The following PPIP5K1 variants were observed in gnomAD, a reference collection of about 807,000 sequenced individuals.
PPIP5K1 encodes the protein inositol hexakisphosphate and diphosphoinositol-pentakisphosphate kinase 1.
PPIP5K1 carries 6 observed loss-of-function variants against 27.7 expected under a neutral mutation model. That is an observed-to-expected ratio of 0.22 (90% CI 0.12 to 0.43). The LOEUF (loss-of-function observed/expected upper bound fraction) is 0.43. Among genes scored for constraint, PPIP5K1 ranks in the 20% least tolerant of loss-of-function variants. The pLI, the probability that PPIP5K1 is intolerant of heterozygous loss-of-function variation, is 1.00. For synonymous variants in PPIP5K1, 145 were observed against 242.6 expected, an observed-to-expected ratio of 0.60 and a Z score of 3.74; for missense variants, 394 against 635.4, an observed-to-expected ratio of 0.62 and a Z score of 4.08.
At chr15:43,556,338 A>G (rs1439127848) in intron 30 of PPIP5K1, among the ~76,000 whole-genome samples, 3 of 151,688 alleles carry the variant, frequency 2.0e-5, no homozygotes, top group African/African-American at 7.3e-5. Context: ...AAAAAAAGAA[A>G]AAAAAAGTGC....
At chr15:43,545,975 C>T (rs573345273) in intron 30 of PPIP5K1, among the ~76,000 whole-genome samples, 2 of 151,440 alleles carry the variant, frequency 1.3e-5, no homozygotes, top group Non-Finnish European at 2.9e-5. Flanking sequence ...TTCTTTTATT[C>T]CTTTACTTTC....
intron 31 of PPIP5K1, among the ~76,000 whole-genome samples, chr15:43,537,636 C>T (rs1342114194): frequency 7.1e-6 from 1 of 141,018 alleles, no homozygotes; most frequent in Non-Finnish European, 1.5e-5. Flanking sequence ...TTGCAGTGAG[C>T]CGAGATCGCG....
At chr15:43,545,166 A>C (rs1451644485) in intron 30 of PPIP5K1, among the ~76,000 whole-genome samples, 1 of 151,668 alleles carries the variant, frequency 6.6e-6, no homozygotes, top group East Asian at 1.9e-4. Context: ...CGACAGAGCA[A>C]GAGTCCGTCT....
Position 43,560,442 on chromosome 15 carries a change from G to A in PPIP5K1, c.3389C>T (p.Ser1130Leu), listed in dbSNP as rs1339510840. 1.5e-6 allele frequency: 2 copies of A among 1,301,890 alleles called. No homozygotes were observed. Among genetic ancestry groups the A allele is most frequent in the South Asian group, 2.5e-5 (2 of 80,968 alleles). 80.6% of individuals were successfully genotyped at this position (1,301,890 alleles called of 1,614,324 possible). A position where few individuals can be genotyped will look rare whatever the true frequency, so the allele number is the denominator to read the frequency against. Reference protein sequence around the residue: ...HLRLFRNWLRSGQDDPECLYG... With the variant: ...HLRLFRNWLRLGQDDPECLYG... ...GAGGCACTCGGGGTCATCCTGGCCT[G>A]AGCGCAGCCAGTTCCGGAAGAGGCG... The change falls in exon 29 of 32, where the codon TCA (serine) becomes TTA (leucine). Residue 1130 changes from serine to leucine, a missense_variant. This residue lies in a region of PPIP5K1 where 5 missense variants were observed against 20.3 expected (regional missense o/e 0.25). Coordinates refer to ENST00000420765, the MANE Select transcript of PPIP5K1 (RefSeq NM_001394395.1).
intron 30 of PPIP5K1, among the ~76,000 whole-genome samples, chr15:43,545,603 A>G (rs1298779346): frequency 1.3e-5 from 2 of 151,680 alleles, no homozygotes; most frequent in Non-Finnish European, 2.9e-5. Flanking sequence ...TTGGCCTCCC[A>G]AAGTGCTGCT....
chr15:43,545,101 C>T (rs1202861442), intron 30 of PPIP5K1, among the ~76,000 whole-genome samples: 2 of 151,738 alleles, frequency 1.3e-5, no homozygotes, highest in Non-Finnish European at 2.9e-5. Context: ...TGACGTGAAC[C>T]CAGGAGGCAG....
intron 31 of PPIP5K1, among the ~76,000 whole-genome samples, chr15:43,537,178 T>C (rs1269893128): frequency 6.8e-6 from 1 of 147,930 alleles, no homozygotes; most frequent in Non-Finnish European, 1.5e-5. Context: ...CTACTAAAAA[T>C]ACAAAAAAAA....
intron 30 of PPIP5K1, among the ~76,000 whole-genome samples, chr15:43,545,023 AAAT>A (rs1453040246): frequency 6.6e-6 from 1 of 151,712 alleles, no homozygotes; most frequent in African/African-American, 2.4e-5. Flanking sequence ...CTAAAAATAC[AAAT>A]AATTAGCCGG....
chr15:43,557,963 C>T (rs1163463871), intron 30 of PPIP5K1, among the ~76,000 whole-genome samples: 2 of 151,692 alleles, frequency 1.3e-5, no homozygotes, highest in African/African-American at 4.8e-5. Flanking sequence ...AGCCACTGCA[C>T]CCCACTCATT....
At chr15:43,540,136 C>T (rs1355661199) in intron 30 of PPIP5K1, among the ~76,000 whole-genome samples, 1 of 152,092 alleles carries the variant, frequency 6.6e-6, no homozygotes. Flanking sequence ...CCTGTAATCC[C>T]AGCTATTTGG....
At chr15:43,542,412 T>G (rs1322050962) in intron 30 of PPIP5K1, among the ~76,000 whole-genome samples, 1 of 150,320 alleles carries the variant, frequency 6.7e-6, no homozygotes, top group Non-Finnish European at 1.5e-5. Flanking sequence ...CAACCTCAGC[T>G]TCCTGAGTAG....
intron 10 of PPIP5K1, among the ~76,000 whole-genome samples, chr15:43,579,488 G>T (rs1345887004): frequency 1.0e-5 from 1 of 95,722 alleles, no homozygotes. Flanking sequence ...TGCGCATATA[G>T]ATACACACAT....
intron 30 of PPIP5K1, among the ~76,000 whole-genome samples, chr15:43,543,637 TA>T (rs2081039997): frequency 6.6e-6 from 1 of 152,104 alleles, no homozygotes; most frequent in African/African-American, 2.4e-5. Context: ...AAAAAGCACT[TA>T]AAAACCAGAA....
At chr15:43,542,044 A>C (rs1342396614) in intron 30 of PPIP5K1, among the ~76,000 whole-genome samples, 2 of 152,162 alleles carry the variant, frequency 1.3e-5, no homozygotes, top group African/African-American at 4.8e-5. Flanking sequence ...ACAAGATCTC[A>C]TTGTGAAGCT....
At chr15:43,545,647 T>G (rs1351663788) in intron 30 of PPIP5K1, among the ~76,000 whole-genome samples, 1 of 152,118 alleles carries the variant, frequency 6.6e-6, no homozygotes, top group Non-Finnish European at 1.5e-5. Context: ...CTGGCCTAAT[T>G]TGTCAATCTT....
At chr15:43,557,032 CAT>C (rs1285387416) in intron 30 of PPIP5K1, among the ~76,000 whole-genome samples, 1 of 152,198 alleles carries the variant, frequency 6.6e-6, no homozygotes, top group East Asian at 1.9e-4. Flanking sequence ...CTACTTAACA[CAT>C]GATTTAATTT....
In PPIP5K1 at chr15:43,581,214, G is replaced by A. The variant is rs1476187958; in HGVS notation, c.939+13C>T. 8 of 1,579,628 alleles carry A rather than the reference G, an allele frequency of 5.1e-6. No individual in the cohort carries two copies. The highest frequency in any genetic ancestry group is 5.1e-5 in the Admixed American group (3 of 59,268). ...TCTCCTTCATTTCACAACCTCCCTGGGCCCTCCTCTACCTTGAAAGCTACG... is the reference window on the plus strand; with the variant it reads ...TCTCCTTCATTTCACAACCTCCCTGAGCCCTCCTCTACCTTGAAAGCTACG... On this transcript the variant is annotated intron_variant, in intron 9 of 31. Transcript: ENST00000420765.
chr15:43,539,634 G>A, intron 30 of PPIP5K1, 51 bp from the exon 31 acceptor site: 1 of 1,186,058 alleles, frequency 8.4e-7, no homozygotes, highest in Non-Finnish European at 1.2e-6. Context: ...GACATATGAG[G>A]AAGAATCCAG....
intron 30 of PPIP5K1, among the ~76,000 whole-genome samples, chr15:43,546,654 AT>A (rs58966502): frequency 0.12 from 12,211 of 104,982 alleles, 243 homozygotes; most frequent in Middle Eastern, 0.16. Context: ...CCTGTTTTCA[AT>A]TTTTTTTTTT....
Sources: allele counts gnomAD v4.1 joint callset (sites outside exome capture counted in the v4.1 genomes callset), GRCh38; gene constraint gnomAD v4.1.1; regional missense constraint gnomAD v4.1.1; transcripts MANE v1.5; gene names NCBI Gene and HGNC (gene_info 2026-07-23, HGNC 2026-07-21).